The following ZCCHC4 variants were observed in gnomAD, a reference collection of about 807,000 sequenced individuals.
ZCCHC4 encodes zinc finger CCHC-type containing 4.
Under a neutral mutation model 67.7 loss-of-function variants are expected in ZCCHC4, and 54 were observed. The ratio of observed to expected loss-of-function variants is 0.80; its 90% CI spans 0.64 to 1.00. The LOEUF (loss-of-function observed/expected upper bound fraction) is 1.00. Ranked by LOEUF, ZCCHC4 falls within the 50% of genes least tolerant of loss-of-function variation. The pLI, the probability that ZCCHC4 is intolerant of heterozygous loss-of-function variation, is 0.00. For missense variants in ZCCHC4, 609 were observed against 617.0 expected (o/e 0.99, Z 0.14); for synonymous variants, 198 against 213.5 (o/e 0.93, Z 0.63).
In ZCCHC4 at chr4:25,322,606, C is replaced by T. The variant is rs113133039; in HGVS notation, c.329+7206C>T. ...GATCTTGGCTCACCATAACCTTTGC[C>T]TCCCAGGTTCAAGAGATTCTCGTGT... On this transcript the variant is annotated intron_variant, in intron 3 of 12. Transcript: ENST00000302874. Among the ~76,000 whole-genome samples, 1,029 of 152,262 alleles carry T rather than the reference C, an allele frequency of 6.8e-3. 10 individuals are homozygous for T. Among genetic ancestry groups the T allele is most frequent in the African/African-American group, 0.023 (966 of 41,556 alleles).
Position 25,333,454 on chromosome 4 carries a change from C to T in ZCCHC4, c.601C>T (p.Pro201Ser), listed in dbSNP as rs1719289541. The T allele has an allele frequency of 1.9e-6, 3 of 1,613,608 alleles. No individual in the cohort carries two copies. The highest frequency in any genetic ancestry group is 1.3e-5 in the African/African-American group (1 of 74,912). ...CAGAAGAGTACTGTGTGTTGGAACA[C>T]CAAGGTATGTCATGTGATTTTTTAA... ...GFRRVLCVGT[P>S]RLHELIKLTA... Residue 201 changes from proline (P) to serine (S), a missense_variant, in exon 4 of 13, where the codon CCA (proline) becomes TCA (serine). Physicochemically the swap from Pro to Ser is moderately conservative, Grantham distance 74. Transcript: ENST00000302874.
chr4:25,338,844 A>G (rs932926229), intron 5 of ZCCHC4, among the ~76,000 whole-genome samples: 1 of 152,176 alleles, frequency 6.6e-6, no homozygotes, highest in East Asian at 1.9e-4. Flanking sequence ...GCTATTATGA[A>G]TAATACTGCT....
intron 3 of ZCCHC4, among the ~76,000 whole-genome samples, chr4:25,322,408 G>A (rs886358958): frequency 2.0e-5 from 3 of 152,068 alleles, no homozygotes; most frequent in African/African-American, 7.2e-5. Context: ...GCCTATTCTA[G>A]ATGTTTCATA....
At chr4:25,350,184 G>A (rs1272764862) in intron 7 of ZCCHC4, among the ~76,000 whole-genome samples, 2 of 151,896 alleles carry the variant, frequency 1.3e-5, no homozygotes, top group East Asian at 1.9e-4. Flanking sequence ...CTATAGGTAG[G>A]CTAGTGGCTG....
intron 5 of ZCCHC4, among the ~76,000 whole-genome samples, chr4:25,336,893 G>T (rs1268813832): frequency 6.6e-6 from 1 of 152,188 alleles, no homozygotes; most frequent in East Asian, 1.9e-4. Context: ...TTTTCCAGAT[G>T]AGAAAACTGA....
At chr4:25,327,521 C>G (rs1165139246) in intron 3 of ZCCHC4, among the ~76,000 whole-genome samples, 1 of 151,996 alleles carries the variant, frequency 6.6e-6, no homozygotes. Context: ...GCTCTGTCAC[C>G]CAGATTGGAG....
At chr4:25,362,805 C>T (rs1425719902) in intron 10 of ZCCHC4, among the ~76,000 whole-genome samples, 1 of 152,176 alleles carries the variant, frequency 6.6e-6, no homozygotes, top group Non-Finnish European at 1.5e-5. Context: ...TGCAAAGGGA[C>T]ATCCTCCTAT....
chr4:25,359,891 A>G lies in ZCCHC4; in HGVS notation c.1012-1968A>G, dbSNP rs939191748. ...CCCTCCCGAGGAGGCCACATGTGAA[A>G]TTAGCAATCCACTGGTCTCCCACCA... On this transcript the variant is annotated intron_variant, in intron 8 of 12. Coordinates refer to ENST00000302874, the MANE Select transcript of ZCCHC4 (RefSeq NM_024936.3). This position sits in a 1 kb window ranked among gnomAD's most constrained non-coding sequence, Gnocchi z 4.9. Among the ~76,000 whole-genome samples the G allele has an allele frequency of 2.0e-5, 3 of 152,218 alleles. No individual in the cohort carries two copies. The highest frequency in any genetic ancestry group is 4.4e-5 in the Non-Finnish European group (3 of 68,042).
At chr4:25,324,014 G>GTTGGTTTTTT (rs1553895903) in intron 3 of ZCCHC4, among the ~76,000 whole-genome samples, 11 of 82,446 alleles carry the variant, frequency 1.3e-4, no homozygotes, top group African/African-American at 4.2e-4. Flanking sequence ...TGTTTTTTGT[G>GTTGGTTTTTT]TTTTTTTTTT....
chr4:25,333,982 AT>A lies in ZCCHC4; in HGVS notation c.684del (p.Arg229GlyfsTer46). 6.3e-7 allele frequency: 1 copy of A among 1,594,028 alleles called. No individual in the cohort carries two copies. Reference protein sequence around the residue: ...SNIKSLLLDIDFRYSQFYMED... With the variant: ...SNIKSLLLDIXFRYSQFYMED... ...ATTAAAAGCCTTTTATTGGATATTGATTTTCGGTAGGTTTACAAAATACAGT... is the reference window on the plus strand; with the variant it reads ...ATTAAAAGCCTTTTATTGGATATTGATTTCGGTAGGTTTACAAAATACAGT... On this transcript the variant is annotated frameshift_variant, in exon 5 of 13. Coordinates refer to ENST00000302874, the MANE Select transcript of ZCCHC4 (RefSeq NM_024936.3). LOFTEE classifies it high-confidence loss of function.
chr4:25,347,368 A>G (rs1720074203), intron 6 of ZCCHC4, among the ~76,000 whole-genome samples: 1 of 152,196 alleles, frequency 6.6e-6, no homozygotes, highest in Admixed American at 6.5e-5. Flanking sequence ...GAAAGTGTAC[A>G]GCATTACCTT....
chr4:25,330,914 C>T (rs1719148841), intron 3 of ZCCHC4, among the ~76,000 whole-genome samples: 1 of 152,170 alleles, frequency 6.6e-6, no homozygotes. Flanking sequence ...CAGCCGAAGA[C>T]TCGAGGGGAA....
intron 6 of ZCCHC4, among the ~76,000 whole-genome samples, 182 bp from the exon 7 acceptor site, chr4:25,349,310 G>A (rs1720173347): frequency 6.6e-6 from 1 of 152,166 alleles, no homozygotes; most frequent in Non-Finnish European, 1.5e-5. Flanking sequence ...AGAACCCAAA[G>A]ATAAAATCTC....
chr4:25,355,607 T>C (rs1346038871), intron 8 of ZCCHC4, among the ~76,000 whole-genome samples: 1 of 152,226 alleles, frequency 6.6e-6, no homozygotes, highest in Non-Finnish European at 1.5e-5. Context: ...GTCAAAGCTA[T>C]CCTTTTTAAA....
intron 3 of ZCCHC4, among the ~76,000 whole-genome samples, chr4:25,330,543 G>A (rs773146435): frequency 2.0e-5 from 3 of 152,134 alleles, no homozygotes; most frequent in Non-Finnish European, 2.9e-5. Flanking sequence ...TGCTTTTGTG[G>A]TATCACTACA....
chr4:25,319,025 A>G (rs577840490), intron 3 of ZCCHC4, among the ~76,000 whole-genome samples: 1 of 152,342 alleles, frequency 6.6e-6, no homozygotes, highest in African/African-American at 2.4e-5. Flanking sequence ...TGGGGTTGAG[A>G]TATAGAAATA....
Position 25,351,675 on chromosome 4 carries a change from AT to A in ZCCHC4, c.998del (p.Met333SerfsTer6). 1 of 1,610,726 alleles carries A rather than the reference AT, an allele frequency of 6.2e-7. No homozygotes were observed. Among genetic ancestry groups the A allele is most frequent in the Non-Finnish European group, 8.5e-7 (1 of 1,178,188 alleles). On this transcript the variant is annotated frameshift_variant, in exon 8 of 13. Coordinates refer to ENST00000302874, the MANE Select transcript of ZCCHC4 (RefSeq NM_024936.3). LOFTEE classifies it high-confidence loss of function. ...TTGTCAGTTTTTTCCAAGCTTCCAG[AT>A]GCTGGATTACCAGGTAGAGTACATA... ...RICQFFPSFQ[M>X]LDYQVDYDNH...
At chr4:25,319,035 A>G (rs543577241) in intron 3 of ZCCHC4, among the ~76,000 whole-genome samples, 1 of 152,378 alleles carries the variant, frequency 6.6e-6, no homozygotes, top group African/African-American at 2.4e-5. Flanking sequence ...ATATAGAAAT[A>G]AAGATAATTT....
At chr4:25,341,199 T>C (rs887809569) in intron 5 of ZCCHC4, among the ~76,000 whole-genome samples, 1 of 152,224 alleles carries the variant, frequency 6.6e-6, no homozygotes, top group Non-Finnish European at 1.5e-5. Context: ...TTGACTGTTA[T>C]CTGTAAGGCA....
Sources: allele counts gnomAD v4.1 joint callset (sites outside exome capture counted in the v4.1 genomes callset), GRCh38; gene constraint gnomAD v4.1.1; non-coding constraint Gnocchi (gnomAD v3.1); transcripts MANE v1.5; gene names NCBI Gene and HGNC (gene_info 2026-07-23, HGNC 2026-07-21).